Variants in XXYLT1 observed in about 807,000 individuals in gnomAD.
The protein encoded by XXYLT1 is UDP-xylose:alpha-xyloside alpha-1,3-xylosyltransferase.
Under a neutral mutation model 28.9 loss-of-function variants are expected in XXYLT1, and 20 were observed. The ratio of observed to expected loss-of-function variants is 0.69; its 90% confidence interval spans 0.49 to 1.00. The LOEUF is 1.00. Ranked by LOEUF, XXYLT1 falls within the 50% of genes least tolerant of loss-of-function variation. The pLI, the probability that XXYLT1 is intolerant of heterozygous loss-of-function variation, is 0.00. For missense variants in XXYLT1, 542 were observed against 560.1 expected, an observed-to-expected ratio of 0.97 and a Z score of 0.33; for synonymous variants, 257 against 253.8, an observed-to-expected ratio of 1.01 and a Z score of -0.12.
chr3:195,170,164 TTA>T (rs1223493307), intron 2 of XXYLT1, among the ~76,000 whole-genome samples: 2 of 152,138 alleles, frequency 1.3e-5, no homozygotes, highest in Non-Finnish European at 2.9e-5. Flanking sequence ...ATGTATATAT[TTA>T]TATATATGTG....
Position 195,176,872 on chromosome 3 carries a change from G to A in XXYLT1, c.653-20291C>T, listed in dbSNP as rs150613316. Among the ~76,000 whole-genome samples, 122 of 152,340 alleles carry A rather than the reference G, an allele frequency of 8.0e-4. 5 individuals carry two copies. In the East Asian group the frequency reaches 0.023, roughly 29 times the overall value. ...GTCTGCTGGAAAGGTGATCTGAGAG[G>A]TAGGACAAGGCCGACTCCTTGGAAC... is the stretch of plus-strand genomic sequence containing the variant. On this transcript the variant is annotated intron_variant, in intron 2 of 3. Transcript: ENST00000310380. This position sits in a 1 kb window ranked among gnomAD's most constrained non-coding sequence, Gnocchi z 4.9.
chr3:195,148,519 A>G (rs1340587686), intron 3 of XXYLT1, among the ~76,000 whole-genome samples: 1 of 152,164 alleles, frequency 6.6e-6, no homozygotes. Context: ...AAAGAACCCA[A>G]TAGCTTTTAT....
intron 1 of XXYLT1, among the ~76,000 whole-genome samples, chr3:195,231,752 AT>A (rs34130895): frequency 0.016 from 2,281 of 142,776 alleles, 29 homozygotes; most frequent in Middle Eastern, 0.029. Flanking sequence ...ATGATGAATG[AT>A]TTTTTTTTTT....
At chr3:195,127,105 G>A (rs1718676235) in intron 3 of XXYLT1, among the ~76,000 whole-genome samples, 1 of 152,180 alleles carries the variant, frequency 6.6e-6, no homozygotes. Flanking sequence ...GGGACCTGGG[G>A]TGGGCATCTG....
At position 195,176,090 on chromosome 3, in the gene XXYLT1, T is replaced by G. The variant is rs1025250845; in HGVS notation, c.653-19509A>C. Among the ~76,000 whole-genome samples the G allele has an allele frequency of 6.6e-6, 1 of 152,040 alleles. No individual in the cohort carries two copies. Among genetic ancestry groups the G allele is most frequent in the Non-Finnish European group, 1.5e-5 (1 of 68,010 alleles). ...TTTTTTTTTTGAGACAGGGTCTCAC[T>G]CTATCGCCCAAGCTGGAGTGCAATG... On this transcript the variant is annotated intron_variant, in intron 2 of 3. Coordinates refer to ENST00000310380, the MANE Select transcript of XXYLT1 (RefSeq NM_152531.5). This position sits in a 1 kb window ranked among gnomAD's most constrained non-coding sequence, Gnocchi z 4.9.
intron 3 of XXYLT1, among the ~76,000 whole-genome samples, chr3:195,107,211 C>T (rs540907486): frequency 1.3e-5 from 2 of 152,054 alleles, no homozygotes; most frequent in South Asian, 2.1e-4. Context: ...CGGTGGCTCA[C>T]GCCTGGAATC....
chr3:195,234,249 G>A (rs1191321707), intron 1 of XXYLT1, among the ~76,000 whole-genome samples: 2 of 146,604 alleles, frequency 1.4e-5, no homozygotes, highest in Non-Finnish European at 3.0e-5. Context: ...TGGTATTGAT[G>A]AAATCCATCA....
At position 195,180,831 on chromosome 3, in the gene XXYLT1, C is replaced by T. The variant is rs571486207; in HGVS notation, c.653-24250G>A. ...GCCTGTCCCTAGTCCTGCCTCAGGA[C>T]TTTGCTCGTGAGGGGTCCTCAAGGC... On this transcript the variant is annotated intron_variant, in intron 2 of 3. Transcript: ENST00000310380. The surrounding 1 kb of genome is among the most constrained non-coding windows in gnomAD (Gnocchi z 5.8). Among the ~76,000 whole-genome samples, 21 of 152,314 alleles carry T rather than the reference C, an allele frequency of 1.4e-4. No homozygotes were observed. The highest frequency in any genetic ancestry group is 5.1e-4 in the African/African-American group (21 of 41,558).
chr3:195,226,915 C>G, intron 1 of XXYLT1, 59 bp from the exon 2 acceptor site: 1 of 1,581,526 alleles, frequency 6.3e-7, no homozygotes, highest in South Asian at 1.2e-5. Flanking sequence ...GCAAGCTCAA[C>G]ACCCAACAAG....
intron 3 of XXYLT1, among the ~76,000 whole-genome samples, chr3:195,080,491 C>G (rs1715371396): frequency 6.6e-6 from 1 of 150,614 alleles, no homozygotes; most frequent in South Asian, 2.1e-4. Context: ...GCTGGGCAGC[C>G]AGGCCCCAGC....
intron 3 of XXYLT1, among the ~76,000 whole-genome samples, chr3:195,102,766 G>A (rs968203509): frequency 2.6e-5 from 4 of 152,178 alleles, no homozygotes; most frequent in South Asian, 2.1e-4. Context: ...TAACGTTGCC[G>A]TGAGCACGGG....
chr3:195,247,765 G>A (rs1323240623), intron 1 of XXYLT1: 18 of 701,848 alleles, frequency 2.6e-5, no homozygotes, highest in Non-Finnish European at 4.7e-5. Context: ...AGGTTTGATG[G>A]ACTCACAGTT....
intron 3 of XXYLT1, among the ~76,000 whole-genome samples, chr3:195,096,320 G>A (rs930164689): frequency 2.6e-5 from 4 of 152,174 alleles, no homozygotes; most frequent in African/African-American, 9.7e-5. Context: ...TGACAGTGGC[G>A]CAGACACAGC....
chr3:195,104,944 T>C (rs1383130268), intron 3 of XXYLT1, among the ~76,000 whole-genome samples: 1 of 152,210 alleles, frequency 6.6e-6, no homozygotes, highest in Non-Finnish European at 1.5e-5. Context: ...TCACTTTGGG[T>C]ACATGGTCAA....
chr3:195,141,005 C>T (rs1313037928), intron 3 of XXYLT1, among the ~76,000 whole-genome samples: 1 of 152,156 alleles, frequency 6.6e-6, no homozygotes, highest in Non-Finnish European at 1.5e-5. Context: ...CTCTCCCTAC[C>T]TCTGCTCTCT....
At chr3:195,174,626 C>T (rs12496868) in intron 2 of XXYLT1, among the ~76,000 whole-genome samples, 8,985 of 152,066 alleles carry the variant, frequency 0.059, 373 homozygotes, top group East Asian at 0.15. Context: ...GAGCATGCCA[C>T]CATGCCTAGC....
rs768729168 is a variant in XXYLT1, at chr3:195,270,709, T to C, written c.350A>G (p.Lys117Arg). The change falls in exon 1 of 4, where the codon AAG becomes AGG. Residue 117 changes from lysine to arginine, a missense_variant. Transcript: ENST00000310380. ...CAGTGAGCGCAGCGCGACGCGGGCC[T>C]TGGCCTGCAGCGCGGCATTGTGCTC... ...KAEHNAALQA[K>R]ARVALRSLLR... is the part of the protein sequence containing the mutation. 3.8e-6 allele frequency: 6 copies of C among 1,590,280 alleles called. No individual in the cohort carries two copies. The African/African-American group carries it at 5.5e-5, about 15-fold the overall frequency.
intron 2 of XXYLT1, among the ~76,000 whole-genome samples, chr3:195,161,182 G>A (rs1720852868): frequency 6.6e-6 from 1 of 152,180 alleles, no homozygotes. Context: ...CGAGGTGGTG[G>A]TTAGTATCTT....
At chr3:195,098,851 T>G (rs1018348809) in intron 3 of XXYLT1, among the ~76,000 whole-genome samples, 2 of 152,186 alleles carry the variant, frequency 1.3e-5, no homozygotes, top group African/African-American at 2.4e-5. Context: ...TCCCTGGGCC[T>G]CCTGGCCTGC....
Sources: gnomAD v4.1 joint callset for allele counts (sites outside exome capture counted in the v4.1 genomes callset) on GRCh38, gnomAD v4.1.1 for gene constraint, Gnocchi (gnomAD v3.1) non-coding constraint, MANE v1.5 for transcripts, NCBI Gene and HGNC (gene_info 2026-07-23, HGNC 2026-07-21) for gene names.